The following PRKCE variants were observed in gnomAD, a reference collection of about 807,000 sequenced individuals.
PRKCE encodes protein kinase C epsilon type.
In PRKCE, 16 loss-of-function variants were observed where a neutral mutation model predicts 85.4. The ratio of observed to expected loss-of-function variants is 0.19; its 90% CI spans 0.13 to 0.28. PRKCE has a LOEUF of 0.28. PRKCE is among the 10% of genes least tolerant of loss of function. The pLI, the probability that PRKCE is intolerant of heterozygous loss-of-function variation, is 1.00. For synonymous variants in PRKCE, 388 were observed against 371.5 expected (o/e 1.04, Z -0.51); for missense variants, 573 against 975.2 (o/e 0.59, Z 5.49).
chr2:45,977,464 C>T (rs1244167466), intron 3 of PRKCE, among the ~76,000 whole-genome samples: 1 of 151,880 alleles, frequency 6.6e-6, no homozygotes, highest in Non-Finnish European at 1.5e-5. Flanking sequence ...TGGTGAAACC[C>T]TGTGTCTACT....
intron 1 of PRKCE, among the ~76,000 whole-genome samples, chr2:45,758,595 C>T (rs1486420449): frequency 1.3e-5 from 2 of 152,266 alleles, no homozygotes; most frequent in East Asian, 1.9e-4. Flanking sequence ...GAGAGGCCTT[C>T]GCCAGCCACT....
intron 11 of PRKCE, among the ~76,000 whole-genome samples, chr2:46,099,660 A>G (rs188462575): frequency 2.0e-5 from 3 of 152,242 alleles, no homozygotes; most frequent in African/African-American, 7.2e-5. Flanking sequence ...ACTGCATTGC[A>G]ACTATTTCTT....
intron 2 of PRKCE, among the ~76,000 whole-genome samples, chr2:45,868,332 A>AG (rs200109158): frequency 1.4e-5 from 2 of 144,578 alleles, no homozygotes; most frequent in Non-Finnish European, 3.0e-5. Context: ...AAAAAAAAAA[A>AG]AAAAAAAAAA....
chr2:45,902,263 T>C (rs748125957), intron 2 of PRKCE, among the ~76,000 whole-genome samples: 1 of 152,178 alleles, frequency 6.6e-6, no homozygotes, highest in Non-Finnish European at 1.5e-5. Context: ...TTAGAAAACA[T>C]CCATTGTTCC....
At chr2:46,093,168 T>C (rs1310951897) in intron 11 of PRKCE, among the ~76,000 whole-genome samples, 1 of 152,202 alleles carries the variant, frequency 6.6e-6, no homozygotes, top group Non-Finnish European at 1.5e-5. Flanking sequence ...GCCGAGTCTC[T>C]AATGGAAGGA....
At chr2:46,083,008 C>T (rs770400161) in intron 10 of PRKCE, among the ~76,000 whole-genome samples, 8 of 152,086 alleles carry the variant, frequency 5.3e-5, no homozygotes, top group Non-Finnish European at 1.0e-4. Context: ...AGTGCAGTGG[C>T]GCAATCTCAG....
At chr2:45,722,244 T>G (rs1680684313) in intron 1 of PRKCE, among the ~76,000 whole-genome samples, 1 of 152,186 alleles carries the variant, frequency 6.6e-6, no homozygotes, top group South Asian at 2.1e-4. Flanking sequence ...AATTTAGTTT[T>G]TATTATTCTT....
intron 10 of PRKCE, among the ~76,000 whole-genome samples, chr2:46,038,201 C>G (rs1707995922): frequency 6.6e-6 from 1 of 152,130 alleles, no homozygotes; most frequent in Non-Finnish European, 1.5e-5. Context: ...AATCAAGGCG[C>G]TACTTTGCAT....
intron 1 of PRKCE, among the ~76,000 whole-genome samples, chr2:45,653,370 G>GTTTTTTTTTTTTTTTTTTTTTTTTTTTT (rs34888247): frequency 3.3e-5 from 2 of 61,464 alleles, no homozygotes; most frequent in African/African-American, 5.6e-5. Flanking sequence ...TTTTTGGGTT[G>GTTTTTTTTTTTTTTTTTTTTTTTTTTTT]TTTTTTTTTT....
chr2:46,071,877 A>C (rs552668554), intron 10 of PRKCE, among the ~76,000 whole-genome samples: 1 of 152,298 alleles, frequency 6.6e-6, no homozygotes, highest in East Asian at 1.9e-4. Flanking sequence ...CAGATTAAAC[A>C]CAGGCTGCTT....
chr2:45,891,779 G>A (rs1294725944), intron 2 of PRKCE, among the ~76,000 whole-genome samples: 1 of 152,174 alleles, frequency 6.6e-6, no homozygotes, highest in Non-Finnish European at 1.5e-5. Context: ...ACAAGGCCTT[G>A]GCCCTCCTTA....
chr2:45,673,647 T>C (rs1275899462), intron 1 of PRKCE, among the ~76,000 whole-genome samples: 1 of 152,234 alleles, frequency 6.6e-6, no homozygotes. Flanking sequence ...ACTAAAACTT[T>C]GTTTTTTAAA....
At chr2:46,093,359 C>A (rs867573631) in intron 11 of PRKCE, among the ~76,000 whole-genome samples, 14 of 151,666 alleles carry the variant, frequency 9.2e-5, no homozygotes, top group Middle Eastern at 3.2e-3. Flanking sequence ...GATATACATA[C>A]AGATGAATTA....
chr2:45,683,483 G>A (rs1378936464), intron 1 of PRKCE, among the ~76,000 whole-genome samples: 1 of 152,132 alleles, frequency 6.6e-6, no homozygotes, highest in Non-Finnish European at 1.5e-5. Context: ...ACCCCGAGGA[G>A]TAAGGTGCCA....
chr2:45,943,344 A>G (rs1700018204), intron 2 of PRKCE, among the ~76,000 whole-genome samples: 1 of 152,270 alleles, frequency 6.6e-6, no homozygotes, highest in Admixed American at 6.5e-5. Flanking sequence ...AAGCCAGCAC[A>G]TAGGAGTTGC....
Position 45,973,936 on chromosome 2 carries a change from TC to T in PRKCE, c.413-2492del, listed in dbSNP as rs1214041171. On this transcript the variant is annotated intron_variant, in intron 2 of 14. Coordinates refer to ENST00000306156, the MANE Select transcript of PRKCE (RefSeq NM_005400.3). ...TGAGAGATTTGTAAATCAAATTGCA[TC>T]TTAAATGCATTAGGAGACGGGCTTA... Among the ~76,000 whole-genome samples, 3 of 152,224 alleles carry T rather than the reference TC, an allele frequency of 2.0e-5. No homozygotes were observed. In the East Asian group the frequency reaches 5.8e-4, roughly 29 times the overall value.
Position 46,061,095 on chromosome 2 carries a change from TTTTTTTTCC to T in PRKCE, c.1438-25105_1438-25097del, listed in dbSNP as rs1275557962. On this transcript the variant is annotated intron_variant, in intron 10 of 14. Transcript: ENST00000306156. ...TGTCTTTAATGATTTTCTTTTCTTC[TTTTTTTTCC>T]TTTTTTTTTTTTTTTTTTTTTTGAG... Among the ~76,000 whole-genome samples, 37 of 146,220 alleles carry T rather than the reference TTTTTTTTCC, an allele frequency of 2.5e-4. No homozygotes were observed. In the East Asian group the frequency reaches 7.2e-3, roughly 28 times the overall value.
intron 1 of PRKCE, among the ~76,000 whole-genome samples, chr2:45,712,194 C>A (rs1679713567): frequency 1.7e-5 from 2 of 118,226 alleles, no homozygotes; most frequent in Admixed American, 2.4e-4. Flanking sequence ...GTTCCCCAGG[C>A]TGGAGTGCAG....
chr2:45,720,975 C>T (rs1032796596), intron 1 of PRKCE, among the ~76,000 whole-genome samples: 2 of 152,012 alleles, frequency 1.3e-5, no homozygotes, highest in South Asian at 2.1e-4. Flanking sequence ...TGTGTGGTGG[C>T]ATGCACCTGT....
Sources: allele counts gnomAD v4.1 joint callset (sites outside exome capture counted in the v4.1 genomes callset), GRCh38; gene constraint gnomAD v4.1.1; transcripts MANE v1.5; gene names NCBI Gene and HGNC (gene_info 2026-07-23, HGNC 2026-07-21).